THOC2: variants seen among roughly 807,000 people sequenced by gnomAD.
THOC2 encodes THO complex 2.
In THOC2, 10 loss-of-function variants were observed where a neutral mutation model predicts 128.4. The ratio of observed to expected loss-of-function variants is 0.08; its 90% CI spans 0.05 to 0.13. The LOEUF (loss-of-function observed/expected upper bound fraction) is 0.13. THOC2 is among the 10% of genes least tolerant of loss of function. The pLI, the probability that THOC2 is intolerant of heterozygous loss-of-function variation, is 1.00. For synonymous variants in THOC2, 393 were observed against 396.9 expected (o/e 0.99, Z 0.12); for missense variants, 535 against 1,155.7 (o/e 0.46, Z 7.79).
chrX:123,653,178 T>A (rs1471724296), intron 12 of THOC2, among the ~76,000 whole-genome samples: 1 of 111,893 alleles, frequency 8.9e-6, no homozygotes, highest in Non-Finnish European at 1.9e-5. Flanking sequence ...GGGGAAAGGA[T>A]CCCCTATTTA....
At chrX:123,641,095 A>G (rs2047895169) in intron 15 of THOC2, among the ~76,000 whole-genome samples, 1 of 110,903 alleles carries the variant, frequency 9.0e-6, no homozygotes, top group Non-Finnish European at 1.9e-5. Flanking sequence ...TTACTCCCTC[A>G]ATATGTAAAG....
chrX:123,698,036 C>T (rs2050515168), intron 4 of THOC2, among the ~76,000 whole-genome samples: 1 of 107,597 alleles, frequency 9.3e-6, no homozygotes, highest in Admixed American at 1.0e-4. Context: ...AACTATTGTT[C>T]GCAAAAAATG....
intron 12 of THOC2, among the ~76,000 whole-genome samples, chrX:123,645,923 T>C (rs1050649652): frequency 2.8e-4 from 30 of 107,577 alleles, no homozygotes; most frequent in African/African-American, 1.0e-3. Context: ...GATCGTGCCA[T>C]TGCACGCCAG....
Position 123,621,461 on chromosome X carries a change from C to T in THOC2, c.3912G>A (p.Lys1304=), listed in dbSNP as rs1456529367. 1.9e-5 allele frequency: 23 copies of T among 1,211,072 alleles called. No individual in the cohort carries two copies. Among genetic ancestry groups the T allele is most frequent in the Non-Finnish European group, 2.6e-5 (23 of 895,400 alleles). The change falls in exon 31 of 39, where the codon AAG becomes AAA. Residue 1304 remains lysine, a synonymous_variant. Transcript: ENST00000245838. The part of the protein sequence containing the change: ...VLGKDGKEKP[K]EERPNKDEKA... ...TTTCATCTTTATTTGGCCGCTCTTC[C>T]TTTGGTTTTTCTTTACCATCTTTAC... is the stretch of plus-strand genomic sequence containing the variant.
intron 38 of THOC2, among the ~76,000 whole-genome samples, chrX:123,604,367 G>A (rs771946950): frequency 4.2e-4 from 45 of 108,386 alleles, no homozygotes; most frequent in African/African-American, 1.3e-3. Context: ...CTCCTGAGTT[G>A]TTTGTTTTTT....
chrX:123,626,073 A>T lies in THOC2; in HGVS notation c.2900-4T>A, dbSNP rs1355859238. 2.6e-6 allele frequency: 3 copies of T among 1,168,262 alleles called. No homozygotes were observed. Among genetic ancestry groups the T allele is most frequent in the Non-Finnish European group, 3.5e-6 (3 of 862,244 alleles). On this transcript the variant is annotated splice_polypyrimidine_tract_variant and splice_region_variant and intron_variant, in intron 24 of 38. Transcript: ENST00000245838. ...ATGGTCTCATTTTTGGTAGATTCTA[A>T]AAATAAAGGAAGAATATATTAAGTG...
intron 12 of THOC2, among the ~76,000 whole-genome samples, chrX:123,648,102 G>T (rs2048207551): frequency 9.0e-6 from 1 of 110,991 alleles, no homozygotes; most frequent in African/African-American, 3.3e-5. Flanking sequence ...TCCAACTGAG[G>T]TACCCGGCTC....
intron 3 of THOC2, among the ~76,000 whole-genome samples, chrX:123,705,209 T>C (rs1031827041): frequency 6.3e-5 from 7 of 111,731 alleles, no homozygotes; most frequent in Non-Finnish European, 1.3e-4. Context: ...AAAGACATCA[T>C]TAAGTATTCA....
In THOC2 at chrX:123,696,787, G is replaced by A. The variant is rs779513133; in HGVS notation, c.401C>T (p.Ser134Leu). Reference protein sequence around the residue: ...KERLDPETLESLGLIKQSQQF... With the variant: ...KERLDPETLELLGLIKQSQQF... ...CTGTGATTGTTTGATAAGCCCTAAT[G>A]ATTCCAGTGTTTCTGGATCCAGGCG... Residue 134 changes from serine (S) to leucine (L), a missense_variant, in exon 6 of 39, where the codon TCA becomes TTA. By Grantham distance (145) the Ser-to-Leu change is moderately radical (BLOSUM62 -2). Coordinates refer to ENST00000245838, the MANE Select transcript of THOC2 (RefSeq NM_001081550.2). 9.2e-6 allele frequency: 11 copies of A among 1,200,971 alleles called. No individual in the cohort carries two copies. The highest frequency in any genetic ancestry group is 1.2e-5 in the Non-Finnish European group (11 of 887,370).
chrX:123,680,729 A>G (rs1204518768), intron 8 of THOC2, among the ~76,000 whole-genome samples: 4 of 110,927 alleles, frequency 3.6e-5, no homozygotes, highest in African/African-American at 1.3e-4. Flanking sequence ...CAACACTCCA[A>G]ACCCAATCTA....
intron 12 of THOC2, among the ~76,000 whole-genome samples, chrX:123,662,077 CGTTA>C (rs1338739827): frequency 8.9e-6 from 1 of 112,085 alleles, no homozygotes; most frequent in Non-Finnish European, 1.9e-5. Context: ...ACACAATAGC[CGTTA>C]GTATTTCTAT....
At chrX:123,612,354 G>T (rs2046730939) in intron 36 of THOC2, among the ~76,000 whole-genome samples, 2 of 111,749 alleles carry the variant, frequency 1.8e-5, no homozygotes, top group Admixed American at 1.9e-4. Context: ...GCTATAAAAA[G>T]AAATGAAGTA....
chrX:123,728,512 G>T (rs1204415483), intron 1 of THOC2, among the ~76,000 whole-genome samples: 1 of 111,431 alleles, frequency 9.0e-6, no homozygotes, highest in Non-Finnish European at 1.9e-5. Flanking sequence ...GAGACATCAA[G>T]AAAAGGTTTC....
intron 8 of THOC2, among the ~76,000 whole-genome samples, chrX:123,681,974 G>A (rs181238613): frequency 2.2e-3 from 242 of 111,459 alleles, no homozygotes; most frequent in African/African-American, 7.3e-3. Flanking sequence ...CAGGAGAATC[G>A]CTTAAACCCA....
intron 8 of THOC2, among the ~76,000 whole-genome samples, chrX:123,676,747 T>C (rs376243578): frequency 1.8e-5 from 2 of 111,825 alleles, no homozygotes; most frequent in East Asian, 5.6e-4. Flanking sequence ...GATTTTCATA[T>C]ACATGTAGGT....
rs752506299 is a variant in THOC2, at chrX:123,627,857, C to T, written c.2593G>A (p.Val865Ile). 5.8e-6 allele frequency: 7 copies of T among 1,211,642 alleles called. No homozygotes were observed. The highest frequency in any genetic ancestry group is 2.3e-4 in the Middle Eastern group (1 of 4,354). ...CAGACTTTGGAAACATGTAAGGAGA[C>T]CACTGCTTCATGGACAGGCGCCATC... Reference protein sequence around the residue: ...MVMAPVHEAVVSLHVSKVWDD... With the variant: ...MVMAPVHEAVISLHVSKVWDD... Residue 865 changes from valine (V) to isoleucine (I), a missense_variant, in exon 23 of 39, where the codon GTC becomes ATC. Val to Ile is a conservative substitution (Grantham distance 29, BLOSUM62 3). This residue lies in a region of THOC2 where 90 missense variants were observed against 298.6 expected (regional missense o/e 0.30). Coordinates refer to ENST00000245838, the MANE Select transcript of THOC2 (RefSeq NM_001081550.2).
intron 32 of THOC2, 152 bp from the exon 33 acceptor site, chrX:123,619,588 T>TAA: frequency 2.0e-6 from 1 of 490,962 alleles, no homozygotes; most frequent in Non-Finnish European, 3.3e-6. Context: ...ATATCAACAA[T>TAA]AAAAAAAAAC....
chrX:123,656,352 A>AAG lies in THOC2; in HGVS notation c.1386+9288_1386+9289dup, dbSNP rs1161132096. On this transcript the variant is annotated intron_variant, in intron 12 of 38. Transcript: ENST00000245838. ...GTCTAAAAAAAAAAAAAAAAAAAAA[A>AAG]AGAGAGAGAGAGAGAGAGAGGAACT... is the stretch of plus-strand genomic sequence containing the variant. Among the ~76,000 whole-genome samples the AAG allele has an allele frequency of 3.3e-3, 326 of 100,121 alleles. 3 individuals carry two copies. The highest frequency in any genetic ancestry group is 0.014 in the East Asian group (45 of 3,197). 86.9% of individuals were successfully genotyped at this position (100,121 alleles called of 115,157 possible).
rs148374616 is a variant in THOC2, at chrX:123,659,556, C to T, written c.1386+6086G>A. 9.2e-3 allele frequency among the ~76,000 whole-genome samples: 1,023 copies of T among 111,601 alleles called. 9 individuals carry two copies. Among genetic ancestry groups the T allele is most frequent in the African/African-American group, 0.031 (956 of 30,752 alleles). ...ACTGCACTCCAGCCTGGCAACAGAGCGAGACTACGTCTCAAAAAAAAACAA... is the reference window on the plus strand; with the variant it reads ...ACTGCACTCCAGCCTGGCAACAGAGTGAGACTACGTCTCAAAAAAAAACAA... On this transcript the variant is annotated intron_variant, in intron 12 of 38. Transcript: ENST00000245838.
Sources: gnomAD v4.1 joint callset for allele counts (sites outside exome capture counted in the v4.1 genomes callset) on GRCh38, gnomAD v4.1.1 for gene constraint, gnomAD v4.1.1 regional missense constraint, MANE v1.5 for transcripts, NCBI Gene and HGNC (gene_info 2026-07-23, HGNC 2026-07-21) for gene names.